The following SYNPO2 variants were observed in gnomAD, a reference collection of about 807,000 sequenced individuals.
SYNPO2 encodes the protein synaptopodin 2, also known as synaptopodin-2.
In SYNPO2, 56 loss-of-function variants were observed where a neutral mutation model predicts 85.0. The ratio of observed to expected loss-of-function variants is 0.66; its 90% CI spans 0.53 to 0.82. The LOEUF is 0.82. SYNPO2 is among the 40% of genes least tolerant of loss of function. SYNPO2 has a pLI of 0.00. For synonymous variants in SYNPO2, 602 were observed against 591.1 expected (o/e 1.02, Z -0.27); for missense variants, 1,575 against 1,534.2 (o/e 1.03, Z -0.44).
At chr4:119,048,647 G>A (rs1738945144) in intron 4 of SYNPO2, among the ~76,000 whole-genome samples, 1 of 152,178 alleles carries the variant, frequency 6.6e-6, no homozygotes, top group Non-Finnish European at 1.5e-5. Flanking sequence ...CAAGGTAGGA[G>A]TCATGCTGGT....
chr4:118,864,265 A>C (rs1171655211), intron 1 of SYNPO2, among the ~76,000 whole-genome samples: 1 of 152,222 alleles, frequency 6.6e-6, no homozygotes, highest in Non-Finnish European at 1.5e-5. Flanking sequence ...TACAGTTTCT[A>C]AAATTCCTCT....
intron 1 of SYNPO2, among the ~76,000 whole-genome samples, chr4:118,926,026 A>C (rs549601698): frequency 1.3e-5 from 2 of 152,282 alleles, no homozygotes; most frequent in East Asian, 3.9e-4. Flanking sequence ...GTGGGAGGGC[A>C]GTAGATTATC....
At chr4:119,005,366 A>G (rs1736995761) in intron 1 of SYNPO2, among the ~76,000 whole-genome samples, 1 of 152,042 alleles carries the variant, frequency 6.6e-6, no homozygotes, top group Admixed American at 6.6e-5. Flanking sequence ...TTTAGGTCTA[A>G]CATTATAGTC....
chr4:118,955,433 C>CT (rs1475401979), intron 1 of SYNPO2, among the ~76,000 whole-genome samples: 1 of 152,164 alleles, frequency 6.6e-6, no homozygotes, highest in Non-Finnish European at 1.5e-5. Context: ...CACATGGCCT[C>CT]TAAGATAGCA....
At chr4:118,896,735 A>T (rs1053686692) in intron 1 of SYNPO2, among the ~76,000 whole-genome samples, 1 of 152,194 alleles carries the variant, frequency 6.6e-6, no homozygotes, top group Non-Finnish European at 1.5e-5. Flanking sequence ...AGATTATTGG[A>T]TGTAGTTTCC....
chr4:118,945,561 C>T (rs896008845), intron 1 of SYNPO2, among the ~76,000 whole-genome samples: 1 of 152,096 alleles, frequency 6.6e-6, no homozygotes, highest in Non-Finnish European at 1.5e-5. Flanking sequence ...TTGCAGATTT[C>T]AAAAAGCAAG....
rs75249728 is a variant in SYNPO2, at chr4:118,852,002, A to G, written c.12+1062A>G. ...ATGTGGAATCTGAAACCATAGCAAG[A>G]AAGTTTTCTAACTGTTATATTAAAA... is the stretch of plus-strand genomic sequence containing the variant. On this transcript the variant is annotated intron_variant, in intron 1 of 4. Transcript: ENST00000610556. Among the ~76,000 whole-genome samples the G allele has an allele frequency of 7.8e-3, 1,185 of 152,344 alleles. 12 individuals are homozygous for G. The highest frequency in any genetic ancestry group is 0.026 in the African/African-American group (1,069 of 41,568).
intron 1 of SYNPO2, among the ~76,000 whole-genome samples, chr4:118,901,246 G>A (rs1425260396): frequency 6.6e-6 from 1 of 152,104 alleles, no homozygotes; most frequent in African/African-American, 2.4e-5. Context: ...AGTATTGCCT[G>A]ACTTCAACCC....
rs1739283753 is a variant in SYNPO2, at chr4:119,058,321, A to G, written c.*387A>G. The G allele has an allele frequency of 6.2e-6, 1 of 162,448 alleles. No individual in the cohort carries two copies. Among genetic ancestry groups the G allele is most frequent in the Non-Finnish European group, 1.3e-5 (1 of 74,678 alleles). The allele number at this position is 162,448 out of a possible 1,614,324, so 10.1% of individuals were successfully genotyped here. A position where few individuals can be genotyped will look rare whatever the true frequency, so the allele number is the denominator to read the frequency against. The stretch of plus-strand genomic sequence containing the variant: ...TTTCTTCATTGTACCTTAGTCCAGG[A>G]AGAAATTAATGGAATATGGTGTGCT... On this transcript the variant is annotated 3_prime_UTR_variant, in exon 5 of 5. Coordinates refer to ENST00000307142, the MANE Select transcript of SYNPO2 (RefSeq NM_133477.3).
chr4:119,005,458 T>A (rs1736999780), intron 1 of SYNPO2, among the ~76,000 whole-genome samples: 2 of 148,934 alleles, frequency 1.3e-5, no homozygotes, highest in African/African-American at 4.9e-5. Context: ...CTAGCCAGTT[T>A]TCCCAGCACC....
intron 1 of SYNPO2, among the ~76,000 whole-genome samples, chr4:118,876,717 C>CTTTCT (rs1553934687): frequency 3.3e-4 from 39 of 119,708 alleles, no homozygotes; most frequent in Non-Finnish European, 6.5e-4. Flanking sequence ...TTCTTTCTTT[C>CTTTCT]TTTCTTTCTT....
At chr4:118,897,373 C>T (rs1421513368) in intron 1 of SYNPO2, among the ~76,000 whole-genome samples, 1 of 152,074 alleles carries the variant, frequency 6.6e-6, no homozygotes, top group African/African-American at 2.4e-5. Context: ...CAGAGCAAAC[C>T]ATATCAATAT....
intron 1 of SYNPO2, among the ~76,000 whole-genome samples, chr4:118,919,776 A>G (rs1322160511): frequency 6.6e-6 from 1 of 152,210 alleles, no homozygotes; most frequent in Non-Finnish European, 1.5e-5. Flanking sequence ...GCCTTAAGGC[A>G]TAAACCAGCA....
At chr4:119,034,632 G>A (rs3733511) in intron 4 of SYNPO2, 286,291 of 985,182 alleles carry the variant, frequency 0.29, 41,900 homozygotes, top group Non-Finnish European at 0.3. Flanking sequence ...TATAGAAGAG[G>A]GTGGAAGTTC....
chr4:118,873,563 T>G (rs1731842203), intron 1 of SYNPO2, among the ~76,000 whole-genome samples: 1 of 152,144 alleles, frequency 6.6e-6, no homozygotes, highest in Non-Finnish European at 1.5e-5. Context: ...TATTTGCTAT[T>G]GTTTTTGAGT....
chr4:118,963,203 A>G (rs1328887158), intron 1 of SYNPO2, among the ~76,000 whole-genome samples: 1 of 152,220 alleles, frequency 6.6e-6, no homozygotes, highest in Non-Finnish European at 1.5e-5. Flanking sequence ...GCAAGTGTCT[A>G]TCTTATTAGA....
chr4:118,943,422 T>C lies in SYNPO2; in HGVS notation c.105+54281T>C, dbSNP rs1326379972. On this transcript the variant is annotated intron_variant, in intron 1 of 4. Coordinates refer to ENST00000307142, the MANE Select transcript of SYNPO2 (RefSeq NM_133477.3). ...AGCATGAGAACCAAAATCATAGGCT[T>C]TTTAGCTGACAGTTAAAAGGTATGA... Among the ~76,000 whole-genome samples, 2 of 152,204 alleles carry C rather than the reference T, an allele frequency of 1.3e-5. 1 individual carries two copies. Among genetic ancestry groups the C allele is most frequent in the Non-Finnish European group, 2.9e-5 (2 of 68,036 alleles).
chr4:119,029,974 G>A lies in SYNPO2; in HGVS notation c.1199G>A (p.Arg400Gln), dbSNP rs1738144088. Residue 400 changes from arginine (R) to glutamine (Q), a missense_variant, in exon 4 of 5, where the codon CGA (arginine) becomes CAA (glutamine). By Grantham distance (43) the Arg-to-Gln change is conservative. Coordinates refer to ENST00000307142, the MANE Select transcript of SYNPO2 (RefSeq NM_133477.3). The stretch of plus-strand genomic sequence containing the variant: ...AAGGGGGTGTTGATGTTTAAGAAGC[G>A]ACGTCGGAGGGCCAGGAAATACACC... ...NSKGVLMFKKRRRRARKYTLV... is the reference protein window; with the variant it reads ...NSKGVLMFKKQRRRARKYTLV... The A allele has an allele frequency of 6.2e-7, 1 of 1,614,102 alleles. No individual in the cohort carries two copies. Among genetic ancestry groups the A allele is most frequent in the Non-Finnish European group, 8.5e-7 (1 of 1,180,024 alleles).
Position 119,002,965 on chromosome 4 carries a change from G to A in SYNPO2, c.106-20465G>A, listed in dbSNP as rs559252578. On this transcript the variant is annotated intron_variant, in intron 1 of 4. Transcript: ENST00000307142. ...TCTTGAATTATTTGATGACTTATTC[G>A]TTTTGTTTTCTGTTTTCTCATTCTG... Among the ~76,000 whole-genome samples, 152 of 152,128 alleles carry A rather than the reference G, an allele frequency of 1.0e-3. 1 individual carries two copies. Among genetic ancestry groups the A allele is most frequent in the South Asian group, 4.4e-3 (21 of 4,816 alleles).
Sources: gnomAD v4.1 joint callset for allele counts (sites outside exome capture counted in the v4.1 genomes callset) on GRCh38, gnomAD v4.1.1 for gene constraint, MANE v1.5 for transcripts, NCBI Gene and HGNC (gene_info 2026-07-23, HGNC 2026-07-21) for gene names.